The following SEPTIN9 variants were observed in gnomAD, a reference collection of about 807,000 sequenced individuals.
The protein encoded by SEPTIN9 is septin 9, also known as septin-9.
Under a neutral mutation model 56.6 loss-of-function variants are expected in SEPTIN9, and 13 were observed. The observed-to-expected ratio is 0.23, with a 90% CI of 0.15 to 0.37. The LOEUF (loss-of-function observed/expected upper bound fraction) is 0.37. Among genes scored for constraint, SEPTIN9 ranks in the 10% least tolerant of loss-of-function variants. SEPTIN9 has a pLI of 1.00. For synonymous variants in SEPTIN9, 332 were observed against 334.1 expected, an observed-to-expected ratio of 0.99 and a Z score of 0.07; for missense variants, 650 against 823.1, an observed-to-expected ratio of 0.79 and a Z score of 2.57.
At chr17:77,438,340 C>G (rs2037429167) in intron 3 of SEPTIN9, among the ~76,000 whole-genome samples, 1 of 152,186 alleles carries the variant, frequency 6.6e-6, no homozygotes, top group Non-Finnish European at 1.5e-5. Context: ...GCCTCCTGGG[C>G]CTGTAGTCCT....
chr17:77,375,499 C>T (rs1197936004), intron 2 of SEPTIN9: 1 of 152,260 alleles, frequency 6.6e-6, no homozygotes, highest in East Asian at 1.9e-4. Context: ...AGTGCCCCTT[C>T]CTTGGGTCTC....
rs567382982 is a variant in SEPTIN9 at position 77,486,510 on chromosome 17, G to A, written c.914-914G>A. On this transcript the variant is annotated intron_variant, in intron 4 of 11. Coordinates refer to ENST00000427177, the MANE Select transcript of SEPTIN9 (RefSeq NM_001113491.2). ...GGGGTGTGTGTGTGTGTGTGTGTGT[G>A]TGTGTGTGTGTGCGCGCACGCGCGC... 7.2e-5 allele frequency among the ~76,000 whole-genome samples: 7 copies of A among 97,260 alleles called. No homozygotes were observed. The South Asian group carries it at 2.1e-3, about 29-fold the overall frequency. The allele number at this position is 97,260 out of a possible 152,430, so 63.8% of individuals were successfully genotyped here.
intron 2 of SEPTIN9, among the ~76,000 whole-genome samples, chr17:77,387,679 T>A (rs1305800927): frequency 1.3e-5 from 2 of 152,128 alleles, no homozygotes; most frequent in Non-Finnish European, 2.9e-5. Flanking sequence ...GAGGAGACCC[T>A]TTCCCCTGGA....
At chr17:77,350,273 C>T (rs1302329053) in intron 2 of SEPTIN9, among the ~76,000 whole-genome samples, 1 of 152,208 alleles carries the variant, frequency 6.6e-6, no homozygotes, top group Non-Finnish European at 1.5e-5. Flanking sequence ...CCTTCCTGTG[C>T]AGCCCACAGC....
At chr17:77,484,991 ATGG>A (rs1413766426) in intron 4 of SEPTIN9, among the ~76,000 whole-genome samples, 20 of 1,352 alleles carry the variant, frequency 0.015, no homozygotes, top group East Asian at 0.067. Flanking sequence ...GGTGATTGTG[ATGG>A]TGGTGAAGGG....
chr17:77,305,669 A>C lies in SEPTIN9; in HGVS notation c.20-1472A>C, dbSNP rs141108389. 9.0e-4 allele frequency among the ~76,000 whole-genome samples: 137 copies of C among 151,808 alleles called. 2 individuals carry two copies. The South Asian group carries it at 0.014, about 15-fold the overall frequency. ...CTTAGTAGAGATGGGTACCCTGTCAATACTAGTTCCGCGAAGGATACACTG... is the reference window on the plus strand; with the variant it reads ...CTTAGTAGAGATGGGTACCCTGTCACTACTAGTTCCGCGAAGGATACACTG... On this transcript the variant is annotated intron_variant, in intron 1 of 11. Transcript: ENST00000427177.
chr17:77,457,254 GC>G (rs1402734842), intron 3 of SEPTIN9, among the ~76,000 whole-genome samples: 1 of 152,144 alleles, frequency 6.6e-6, no homozygotes, highest in Non-Finnish European at 1.5e-5. Flanking sequence ...AGAGTCCCAT[GC>G]CCAGACCTCT....
chr17:77,474,946 C>T (rs183298131), intron 3 of SEPTIN9, among the ~76,000 whole-genome samples: 4 of 152,070 alleles, frequency 2.6e-5, no homozygotes, highest in Non-Finnish European at 4.4e-5. Context: ...GTGGGAGGAT[C>T]GCTTGAGGCC....
intron 3 of SEPTIN9, among the ~76,000 whole-genome samples, chr17:77,442,600 C>T (rs2037589880): frequency 6.7e-6 from 1 of 150,246 alleles, no homozygotes; most frequent in Admixed American, 6.6e-5. Flanking sequence ...GGGCCGGGTG[C>T]GATGGCTCAC....
intron 1 of SEPTIN9, among the ~76,000 whole-genome samples, chr17:77,285,339 G>A (rs933254084): frequency 1.3e-5 from 2 of 152,200 alleles, no homozygotes; most frequent in Non-Finnish European, 2.9e-5. Flanking sequence ...CCACAGAAGC[G>A]GGACTGAGGT....
chr17:77,373,226 A>AGTGCGAGACAGGGAGGCCG, intron 2 of SEPTIN9: 1 of 1,102,326 alleles, frequency 9.1e-7, no homozygotes, highest in Non-Finnish European at 1.1e-6. Context: ...CGGAGCAGCC[A>AGTGCGAGACAGGGAGGCCG]GTGCGAGACA....
At chr17:77,281,633 T>C in intron 1 of SEPTIN9, 79 bp downstream of exon 1, 1 of 1,374,882 alleles carries the variant, frequency 7.3e-7, no homozygotes, top group Non-Finnish European at 9.8e-7. Flanking sequence ...CGGCCGGGAG[T>C]GGCGAGGCGC....
rs1568055770 is a variant in SEPTIN9 at position 77,421,045 on chromosome 17, A to G, written c.721+18342A>G. 6.6e-6 allele frequency among the ~76,000 whole-genome samples: 1 copy of G among 152,172 alleles called. No homozygotes were observed. The highest frequency in any genetic ancestry group is 1.5e-5 in the Non-Finnish European group (1 of 68,030). On this transcript the variant is annotated intron_variant, in intron 3 of 11. Coordinates refer to ENST00000427177, the MANE Select transcript of SEPTIN9 (RefSeq NM_001113491.2). This position sits in a 1 kb window ranked among gnomAD's most constrained non-coding sequence, Gnocchi z 4.6. ...TGCTGAGCTGTCCTGGAGACGGGGT[A>G]CTGTGCAGTGGTCGGGGTAGGGGTG...
chr17:77,456,727 C>T lies in SEPTIN9; in HGVS notation c.722-25417C>T, dbSNP rs1367671962. ...CAGGGACGGGCCCCCATGGCCAGTA[C>T]CAGATCTCAGGGACCAGCACCGGGT... On this transcript the variant is annotated intron_variant, in intron 3 of 11. Coordinates refer to ENST00000427177, the MANE Select transcript of SEPTIN9 (RefSeq NM_001113491.2). The surrounding 1 kb of genome is among the most constrained non-coding windows in gnomAD (Gnocchi z 6.0). 6.6e-6 allele frequency among the ~76,000 whole-genome samples: 1 copy of T among 151,968 alleles called. No homozygotes were observed. Among genetic ancestry groups the T allele is most frequent in the African/African-American group, 2.4e-5 (1 of 41,344 alleles).
intron 2 of SEPTIN9, among the ~76,000 whole-genome samples, chr17:77,348,618 G>A (rs1318184009): frequency 6.6e-6 from 1 of 152,002 alleles, no homozygotes; most frequent in South Asian, 2.1e-4. Flanking sequence ...CTTTTTAATT[G>A]TATCTCTTTG....
chr17:77,494,181 C>T (rs886374970), intron 10 of SEPTIN9, among the ~76,000 whole-genome samples: 5 of 152,184 alleles, frequency 3.3e-5, no homozygotes, highest in Admixed American at 1.3e-4. Flanking sequence ...TAAAGAAAGA[C>T]GTTTTCCAAG....
intron 3 of SEPTIN9, among the ~76,000 whole-genome samples, chr17:77,427,704 G>A (rs1185203079): frequency 6.6e-6 from 1 of 152,186 alleles, no homozygotes; most frequent in East Asian, 1.9e-4. Flanking sequence ...CTCTGTGCCT[G>A]CCTGCAGGGT....
chr17:77,485,199 GATGGTGATGATT>G (rs2039710008), intron 4 of SEPTIN9, among the ~76,000 whole-genome samples: 1 of 151,488 alleles, frequency 6.6e-6, no homozygotes, highest in African/African-American at 2.4e-5. Context: ...TGGTGGTGGT[GATGGTGATGATT>G]GTGATGGTGG....
intron 2 of SEPTIN9, among the ~76,000 whole-genome samples, chr17:77,379,330 G>A (rs1254341965): frequency 6.6e-6 from 1 of 151,892 alleles, no homozygotes; most frequent in Non-Finnish European, 1.5e-5. Context: ...CAGTCACCAC[G>A]GTGCCCGGTA....
Sources: gnomAD v4.1 joint callset for allele counts (sites outside exome capture counted in the v4.1 genomes callset) on GRCh38, gnomAD v4.1.1 for gene constraint, Gnocchi (gnomAD v3.1) non-coding constraint, MANE v1.5 for transcripts, NCBI Gene and HGNC (gene_info 2026-07-23, HGNC 2026-07-21) for gene names.